The following KIAA0930 variants were observed in gnomAD, a reference collection of about 807,000 sequenced individuals.
The protein encoded by KIAA0930 is KIAA0930, also known as uncharacterized protein KIAA0930.
A neutral mutation model predicts 43.9 loss-of-function variants in KIAA0930; 24 were observed. That is an observed-to-expected ratio of 0.55 (90% confidence interval 0.40 to 0.77). The LOEUF is 0.77. Among genes scored for constraint, KIAA0930 ranks in the 30% least tolerant of loss-of-function variants. KIAA0930 has a pLI of 0.00. For missense variants in KIAA0930, 461 were observed against 574.2 expected (o/e 0.80, Z 2.02); for synonymous variants, 259 against 216.4 (o/e 1.20, Z -1.73).
intron 1 of KIAA0930, among the ~76,000 whole-genome samples, chr22:45,232,051 G>A (rs1327190154): frequency 2.0e-5 from 3 of 152,130 alleles, no homozygotes; most frequent in Admixed American, 1.3e-4. Flanking sequence ...TGCTGGAAAG[G>A]TGCCTATGAA....
At position 45,240,700 on chromosome 22, in the gene KIAA0930, G is replaced by A. The variant is rs1250800448; in HGVS notation, c.4C>T (p.Leu2=). The A allele has an allele frequency of 2.9e-6, 4 of 1,376,824 alleles. No individual in the cohort carries two copies. The highest frequency in any genetic ancestry group is 3.0e-5 in the Admixed American group (1 of 33,746). 85.3% of individuals were successfully genotyped at this position (1,376,824 alleles called of 1,614,324 possible). A position where few individuals can be genotyped will look rare whatever the true frequency, so the allele number is the denominator to read the frequency against. M[L]RAIAEERGRL... is the part of the protein sequence containing the mutation. ...CCGCGCTCCTCCGCTATGGCACGCA[G>A]CATGTGCTGCAGCGAGCGCTCCTCG... The change falls in exon 1 of 10, where the codon CTG becomes TTG. Residue 2 remains leucine, a synonymous_variant. Coordinates refer to ENST00000336156, the MANE Select transcript of KIAA0930 (RefSeq NM_001009880.2).
At chr22:45,206,602 G>A (rs2083640287) in intron 2 of KIAA0930, among the ~76,000 whole-genome samples, 2 of 152,110 alleles carry the variant, frequency 1.3e-5, no homozygotes. Context: ...TTAGCCCCAT[G>A]TTAACAGATC....
Position 45,199,806 on chromosome 22 carries a change from ATGAC to A in KIAA0930, c.1015+63_1015+66del, listed in dbSNP as rs1319330890. The A allele has an allele frequency of 3.7e-6, 5 of 1,338,142 alleles. No homozygotes were observed. In the South Asian group the frequency reaches 4.9e-5, roughly 13 times the overall value. 82.9% of individuals were successfully genotyped at this position (1,338,142 alleles called of 1,614,324 possible). A position where few individuals can be genotyped will look rare whatever the true frequency, so the allele number is the denominator to read the frequency against. ...AATGAATGAATGAATAAATGAATGAATGACTGGTCTGGATCAAGAAGAGACTGAA... is the reference window on the plus strand; with the variant it reads ...AATGAATGAATGAATAAATGAATGAATGGTCTGGATCAAGAAGAGACTGAA... On this transcript the variant is annotated intron_variant, in intron 8 of 9. Coordinates refer to ENST00000336156, the MANE Select transcript of KIAA0930 (RefSeq NM_001009880.2).
At chr22:45,206,060 G>A in intron 2 of KIAA0930, 148 bp from the exon 3 acceptor site, 1 of 1,378,704 alleles carries the variant, frequency 7.3e-7, no homozygotes, top group Non-Finnish European at 9.8e-7. Flanking sequence ...CCGCTGCCCA[G>A]GCTAGAGAGC....
chr22:45,213,387 T>C (rs1308202090), intron 1 of KIAA0930: 1 of 1,302,974 alleles, frequency 7.7e-7, no homozygotes, highest in Non-Finnish European at 1.0e-6. Flanking sequence ...AGAAGGAGGC[T>C]TCATCGGTGA....
chr22:45,211,224 C>G (rs1018872333), intron 2 of KIAA0930: 2 of 389,798 alleles, frequency 5.1e-6, no homozygotes, highest in African/African-American at 4.1e-5. Flanking sequence ...AGCTACACGG[C>G]CCTCTCATTT....
Position 45,205,284 on chromosome 22 carries a change from T to C in KIAA0930, c.449A>G (p.Asp150Gly), listed in dbSNP as rs1444504304. The C allele has an allele frequency of 6.2e-7, 1 of 1,614,140 alleles. No individual in the cohort carries two copies. The highest frequency in any genetic ancestry group is 2.2e-5 in the East Asian group (1 of 44,882). The change falls in exon 5 of 10, where the codon GAC becomes GGC. Residue 150 changes from aspartate (D) to glycine (G), a missense_variant. Physicochemically the swap from Asp to Gly is moderately conservative, Grantham distance 94. Coordinates refer to ENST00000336156, the MANE Select transcript of KIAA0930 (RefSeq NM_001009880.2). Reference protein sequence around the residue: ...VFASPSKHPMDSKGEESKISY... With the variant: ...VFASPSKHPMGSKGEESKISY... ...GATCTTGGACTCCTCCCCCTTGCTG[T>C]CCATGGGGTGTTTACTGGGGGACGC... is the stretch of plus-strand genomic sequence containing the variant.
At position 45,193,120 on chromosome 22, in the gene KIAA0930, T is replaced by C. The variant is rs2083504489; in HGVS notation, c.*4056A>G. On this transcript the variant is annotated 3_prime_UTR_variant, in exon 10 of 10. Transcript: ENST00000336156. ...AGTGTCCGTCCTATCAGGTGGTTGT[T>C]TGTAAAACAAAAGTACAGTCATTCT... 1 of 152,152 alleles carries C rather than the reference T, an allele frequency of 6.6e-6. No individual in the cohort carries two copies. Among genetic ancestry groups the C allele is most frequent in the Non-Finnish European group, 1.5e-5 (1 of 68,028 alleles). 9.4% of individuals were successfully genotyped at this position (152,152 alleles called of 1,614,324 possible).
chr22:45,235,582 AAGC>A (rs1247742492), intron 1 of KIAA0930, among the ~76,000 whole-genome samples: 1 of 149,710 alleles, frequency 6.7e-6, no homozygotes, highest in African/African-American at 2.4e-5. Context: ...CATTGACTCA[AAGC>A]AGCCCGAGCG....
At chr22:45,217,763 G>T (rs1422087789) in intron 1 of KIAA0930, among the ~76,000 whole-genome samples, 1 of 152,204 alleles carries the variant, frequency 6.6e-6, no homozygotes, top group East Asian at 1.9e-4. Flanking sequence ...ATAAATTTCA[G>T]TGAGTAGGTG....
chr22:45,206,609 G>T (rs886582622), intron 2 of KIAA0930, among the ~76,000 whole-genome samples: 6 of 152,102 alleles, frequency 3.9e-5, no homozygotes, highest in African/African-American at 1.4e-4. Flanking sequence ...CATGTTAACA[G>T]ATCAGAGTCA....
In KIAA0930 at chr22:45,196,824, T is replaced by C. The variant is rs1184321036; in HGVS notation, c.*352A>G. ...GCCTGCTGCTGGGGGGACGTGAACATAGACCCGCCGCTCTGGCCCCGCTCT... is the reference window on the plus strand; with the variant it reads ...GCCTGCTGCTGGGGGGACGTGAACACAGACCCGCCGCTCTGGCCCCGCTCT... On this transcript the variant is annotated 3_prime_UTR_variant, in exon 10 of 10. Transcript: ENST00000336156. The surrounding 1 kb of genome is among the most constrained non-coding windows in gnomAD (Gnocchi z 4.1). 6 of 269,616 alleles carry C rather than the reference T, an allele frequency of 2.2e-5. No individual in the cohort carries two copies. The East Asian group carries it at 2.3e-4, about 10-fold the overall frequency. 16.7% of individuals were successfully genotyped at this position (269,616 alleles called of 1,614,324 possible).
intron 1 of KIAA0930, among the ~76,000 whole-genome samples, chr22:45,236,623 G>A (rs1312418407): frequency 3.3e-5 from 5 of 152,114 alleles, no homozygotes; most frequent in African/African-American, 1.2e-4. Context: ...CCCTGAGGAC[G>A]GGTCTAGGTG....
In KIAA0930 at chr22:45,240,831, C is replaced by CGCGTCG. The variant is rs1302543905; in HGVS notation, c.-134_-129dup. 0.037 allele frequency: 72 copies of CGCGTCG among 1,934 alleles called. 1 individual carries two copies. Among genetic ancestry groups the CGCGTCG allele is most frequent in the African/African-American group, 0.3 (70 of 230 alleles). The allele number at this position is 1,934 out of a possible 1,614,324, so 0.1% of individuals were successfully genotyped here. A position where few individuals can be genotyped will look rare whatever the true frequency, so the allele number is the denominator to read the frequency against. On this transcript the variant is annotated 5_prime_UTR_variant, in exon 1 of 10. Coordinates refer to ENST00000336156, the MANE Select transcript of KIAA0930 (RefSeq NM_001009880.2). ...AAGGAAGCCACAGTCCGCCTCTGTG[C>CGCGTCG]GCGTCGCCGTCGCCGCCGCCGCCGC...
chr22:45,205,577 G>A (rs887357927), intron 4 of KIAA0930, 53 bp downstream of exon 4: 23 of 1,545,978 alleles, frequency 1.5e-5, no homozygotes, highest in African/African-American at 1.1e-4. Context: ...TCTCTGCCAC[G>A]CCCAGCCTGA....
chr22:45,203,275 C>T, intron 6 of KIAA0930, 91 bp from the exon 7 acceptor site: 3 of 1,347,318 alleles, frequency 2.2e-6, no homozygotes, highest in Non-Finnish European at 3.0e-6. Context: ...GGGCGACCAT[C>T]CCTCAAGGAG....
chr22:45,235,995 C>G (rs1191138135), intron 1 of KIAA0930, among the ~76,000 whole-genome samples: 2 of 152,268 alleles, frequency 1.3e-5, no homozygotes, highest in Non-Finnish European at 2.9e-5. Context: ...CTAGCACACA[C>G]AGGTGTTCAG....
At position 45,230,609 on chromosome 22, in the gene KIAA0930, T is replaced by C. The variant is rs553414736; in HGVS notation, c.64+10031A>G. ...TTTTTTTTTTTTTTTTGAGACGATG[T>C]CTTGCTCTGTCACCCAAGCTAGAGT... is the stretch of plus-strand genomic sequence containing the variant. On this transcript the variant is annotated intron_variant, in intron 1 of 9. Coordinates refer to ENST00000336156, the MANE Select transcript of KIAA0930 (RefSeq NM_001009880.2). Among the ~76,000 whole-genome samples the C allele has an allele frequency of 3.4e-5, 5 of 148,502 alleles. No homozygotes were observed. The East Asian group carries it at 1.0e-3, about 30-fold the overall frequency.
At position 45,203,879 on chromosome 22, in the gene KIAA0930, C is replaced by T. The variant is rs1569073472; in HGVS notation, c.623G>A (p.Arg208His). 5.0e-6 allele frequency: 8 copies of T among 1,614,088 alleles called. No individual in the cohort carries two copies. The highest frequency in any genetic ancestry group is 6.8e-6 in the Non-Finnish European group (8 of 1,179,970). ...ATACACCTTCTTGAGCGCCTCGTAG[C>T]GGATGGAGCCCTGAAAGATGACCCC... ...FQGVIFQGSI[R>H]YEALKKVYDN... The change falls in exon 6 of 10, where the codon CGC (arginine) becomes CAC (histidine). Residue 208 changes from arginine to histidine, a missense_variant. By Grantham distance (29) the Arg-to-His change is conservative. Transcript: ENST00000336156.
Sources: allele counts gnomAD v4.1 joint callset (sites outside exome capture counted in the v4.1 genomes callset), GRCh38; gene constraint gnomAD v4.1.1; non-coding constraint Gnocchi (gnomAD v3.1); transcripts MANE v1.5; gene names NCBI Gene and HGNC (gene_info 2026-07-23, HGNC 2026-07-21).